PIAS2: variants seen among roughly 807,000 people sequenced by gnomAD.
The protein encoded by PIAS2 is protein inhibitor of activated STAT 2.
PIAS2 carries 19 observed loss-of-function variants against 69.7 expected under a neutral mutation model. That is an observed-to-expected ratio of 0.27 (90% CI 0.19 to 0.40). The LOEUF (loss-of-function observed/expected upper bound fraction) is 0.40, where lower values mean the gene tolerates loss of function less well. PIAS2 is among the 10% of genes least tolerant of loss of function. The pLI is 1.00. For missense variants in PIAS2, 624 were observed against 757.0 expected, an observed-to-expected ratio of 0.82 and a Z score of 2.06; for synonymous variants, 261 against 263.2, an observed-to-expected ratio of 0.99 and a Z score of 0.08.
At chr18:46,899,864 T>G (rs530600010) in intron 1 of PIAS2, among the ~76,000 whole-genome samples, 1 of 151,888 alleles carries the variant, frequency 6.6e-6, no homozygotes. Flanking sequence ...ACTATCAAAT[T>G]TGTGAGGTTA....
chr18:46,875,334 T>C (rs568581617), intron 2 of PIAS2, among the ~76,000 whole-genome samples: 1 of 152,144 alleles, frequency 6.6e-6, no homozygotes, highest in Non-Finnish European at 1.5e-5. Context: ...TTCAAACAAG[T>C]TGCAAGGACT....
At chr18:46,873,606 C>T (rs2050703204) in intron 2 of PIAS2, among the ~76,000 whole-genome samples, 1 of 152,158 alleles carries the variant, frequency 6.6e-6, no homozygotes, top group Admixed American at 6.5e-5. Flanking sequence ...AATATTTATA[C>T]TGATTCTAAA....
At chr18:46,824,787 G>C (rs564702174) in intron 11 of PIAS2, among the ~76,000 whole-genome samples, 27 of 151,106 alleles carry the variant, frequency 1.8e-4, no homozygotes, top group African/African-American at 6.3e-4. Flanking sequence ...TGGATGGCTT[G>C]AGCTCAGGAG....
chr18:46,870,549 G>A (rs2050183952), intron 2 of PIAS2, among the ~76,000 whole-genome samples: 1 of 147,188 alleles, frequency 6.8e-6, no homozygotes, highest in South Asian at 2.2e-4. Context: ...CCAGGAGGTG[G>A]AGCTTGCCGT....
In PIAS2 at chr18:46,806,759, C is replaced by A. The variant is rs1364598638; in HGVS notation, c.*5674G>T. 1 of 152,162 alleles carries A rather than the reference C, an allele frequency of 6.6e-6. No individual in the cohort carries two copies. The highest frequency in any genetic ancestry group is 1.5e-5 in the Non-Finnish European group (1 of 68,044). The allele number at this position is 152,162 out of a possible 1,614,324, so 9.4% of individuals were successfully genotyped here. On this transcript the variant is annotated 3_prime_UTR_variant, in exon 14 of 14. Transcript: ENST00000585916. ...ACGTGTACTTACAAAACACTCTAAACATTTATTAAACAGTTTGATGAAGGC... is the reference window on the plus strand; with the variant it reads ...ACGTGTACTTACAAAACACTCTAAAAATTTATTAAACAGTTTGATGAAGGC...
intron 9 of PIAS2, among the ~76,000 whole-genome samples, chr18:46,830,534 TAA>T (rs1403324912): frequency 2.0e-5 from 3 of 150,942 alleles, no homozygotes; most frequent in East Asian, 1.9e-4. Flanking sequence ...TAATTAGAAA[TAA>T]AGTCTCAAAT....
intron 2 of PIAS2, among the ~76,000 whole-genome samples, chr18:46,882,256 A>T (rs2052388457): frequency 6.6e-6 from 1 of 152,132 alleles, no homozygotes; most frequent in Admixed American, 6.5e-5. Flanking sequence ...GTTTAATCAT[A>T]TCCAAAAGCT....
chr18:46,883,149 C>T (rs2052571724), intron 2 of PIAS2, among the ~76,000 whole-genome samples: 1 of 150,826 alleles, frequency 6.6e-6, no homozygotes, highest in South Asian at 2.1e-4. Flanking sequence ...ATTAACATAA[C>T]ACAAGCGGAG....
At chr18:46,866,646 TGTTGACA>T (rs2049517434) in intron 2 of PIAS2, among the ~76,000 whole-genome samples, 1 of 152,172 alleles carries the variant, frequency 6.6e-6, no homozygotes, top group Non-Finnish European at 1.5e-5. Flanking sequence ...TTCAAAAGAC[TGTTGACA>T]GCTAAAGTGA....
Position 46,807,383 on chromosome 18 carries a change from A to ATATATATATATATATATATT in PIAS2, c.*5049_*5050insAATATATATATATATATATA, listed in dbSNP as rs869149927. On this transcript the variant is annotated 3_prime_UTR_variant, in exon 14 of 14. Coordinates refer to ENST00000585916, the MANE Select transcript of PIAS2 (RefSeq NM_004671.5). ...TATATATATATATATATATATATAT[A>ATATATATATATATATATATT]TTTTTTTTTTTTTTTTTTTTTTTTT... 8.6e-5 allele frequency: 1 copy of ATATATATATATATATATATT among 11,600 alleles called. No homozygotes were observed. The highest frequency in any genetic ancestry group is 1.3e-4 in the Non-Finnish European group (1 of 7,454). The allele number at this position is 11,600 out of a possible 1,614,324, so 0.7% of individuals were successfully genotyped here. A position where few individuals can be genotyped will look rare whatever the true frequency, so the allele number is the denominator to read the frequency against.
intron 2 of PIAS2, among the ~76,000 whole-genome samples, chr18:46,870,117 C>A (rs766443540): frequency 1.3e-5 from 2 of 152,090 alleles, no homozygotes; most frequent in Non-Finnish European, 2.9e-5. Context: ...CCCTCCCTAA[C>A]CACACGTCTG....
At chr18:46,906,777 G>GGC (rs2056661635) in intron 1 of PIAS2, among the ~76,000 whole-genome samples, 1 of 144,656 alleles carries the variant, frequency 6.9e-6, no homozygotes, top group African/African-American at 2.5e-5. Flanking sequence ...TGTGTGTGGG[G>GGC]GGGGGGGGAG....
chr18:46,865,907 C>T (rs796477821), intron 2 of PIAS2, among the ~76,000 whole-genome samples: 11 of 152,302 alleles, frequency 7.2e-5, no homozygotes, highest in African/African-American at 2.6e-4. Context: ...ATTCACTCCT[C>T]AACCCTTTTT....
intron 1 of PIAS2, among the ~76,000 whole-genome samples, chr18:46,911,100 G>A (rs571304713): frequency 3.3e-5 from 5 of 151,984 alleles, no homozygotes; most frequent in Admixed American, 6.6e-5. Context: ...CCAAGACTCC[G>A]GAAAGTCTAC....
At chr18:46,875,193 GA>G (rs2050970689) in intron 2 of PIAS2, among the ~76,000 whole-genome samples, 1 of 152,118 alleles carries the variant, frequency 6.6e-6, no homozygotes, top group Non-Finnish European at 1.5e-5. Flanking sequence ...ATCAAATGTA[GA>G]TAAGTATCTA....
intron 9 of PIAS2, among the ~76,000 whole-genome samples, chr18:46,834,613 A>G (rs2044164024): frequency 6.6e-6 from 1 of 152,068 alleles, no homozygotes; most frequent in East Asian, 1.9e-4. Flanking sequence ...TTGTTGTTCC[A>G]TTTTGTTTTG....
At chr18:46,886,323 A>C (rs1363051805) in intron 2 of PIAS2, among the ~76,000 whole-genome samples, 2 of 152,242 alleles carry the variant, frequency 1.3e-5, no homozygotes, top group Non-Finnish European at 2.9e-5. Context: ...ATAAGGAAAA[A>C]AAATTTTTTT....
rs1184040701 is a variant in PIAS2, at chr18:46,906,772, GT to G, written c.24+10549del. ...ATACCAACAAGATGTATGTGTGTGT[GT>G]GGGGGGGGGGGGAGGTGTATAACAT... On this transcript the variant is annotated intron_variant, in intron 1 of 13. Transcript: ENST00000585916. Among the ~76,000 whole-genome samples the G allele has an allele frequency of 6.7e-4, 76 of 113,504 alleles. 2 individuals carry two copies. Among genetic ancestry groups the G allele is most frequent in the Admixed American group, 2.5e-3 (29 of 11,394 alleles). 74.5% of individuals were successfully genotyped at this position (113,504 alleles called of 152,430 possible). A position where few individuals can be genotyped will look rare whatever the true frequency, so the allele number is the denominator to read the frequency against.
rs766088096 is a variant in PIAS2, at chr18:46,829,826, T to C, written c.1244A>G (p.Glu415Gly). ...AGAACCATCTTCTTGGAATTTGATCTCATCTACATCAGAACAGTCATTGAG... is the reference window on the plus strand; with the variant it reads ...AGAACCATCTTCTTGGAATTTGATCCCATCTACATCAGAACAGTCATTGAG... ...EILNDCSDVD[E>G]IKFQEDGSWC... The change falls in exon 10 of 14, where the codon GAG becomes GGG. Residue 415 changes from glutamate (E) to glycine (G), a missense_variant. Coordinates refer to ENST00000585916, the MANE Select transcript of PIAS2 (RefSeq NM_004671.5). 4 of 1,613,258 alleles carry C rather than the reference T, an allele frequency of 2.5e-6. No individual in the cohort carries two copies. Among genetic ancestry groups the C allele is most frequent in the Non-Finnish European group, 3.4e-6 (4 of 1,179,392 alleles).
Sources: allele counts gnomAD v4.1 joint callset (sites outside exome capture counted in the v4.1 genomes callset), GRCh38; gene constraint gnomAD v4.1.1; transcripts MANE v1.5; gene names NCBI Gene and HGNC (gene_info 2026-07-23, HGNC 2026-07-21).